Variants in PTPRN2 observed in about 807,000 individuals in gnomAD.
PTPRN2 encodes the protein protein tyrosine phosphatase receptor type N2.
A neutral mutation model predicts 118.8 loss-of-function variants in PTPRN2; 74 were observed. The observed-to-expected ratio is 0.62, with a 90% CI of 0.52 to 0.76. PTPRN2 has a LOEUF of 0.76. PTPRN2 is among the 30% of genes least tolerant of loss of function. The pLI is 0.00. For synonymous variants in PTPRN2, 641 were observed against 608.0 expected, an observed-to-expected ratio of 1.05 and a Z score of -0.80; for missense variants, 1,481 against 1,394.4, an observed-to-expected ratio of 1.06 and a Z score of -0.99.
chr7:158,382,047 T>C (rs764242030), intron 2 of PTPRN2, among the ~76,000 whole-genome samples: 8 of 152,114 alleles, frequency 5.3e-5, no homozygotes, highest in Non-Finnish European at 1.2e-4. Context: ...AGCCAAACCA[T>C]ATCACTAGCC....
intron 12 of PTPRN2, among the ~76,000 whole-genome samples, chr7:157,877,692 G>C (rs1795862739): frequency 6.6e-6 from 1 of 152,202 alleles, no homozygotes; most frequent in South Asian, 2.1e-4. Context: ...CCTAACAGTG[G>C]GCTGGGGAAC....
intron 11 of PTPRN2, among the ~76,000 whole-genome samples, chr7:158,020,472 C>T (rs1450329140): frequency 6.6e-6 from 1 of 152,056 alleles, no homozygotes; most frequent in African/African-American, 2.4e-5. Context: ...GAGGGAGGGG[C>T]GAGGGCACAG....
At chr7:157,657,186 C>T (rs1470797106) in intron 13 of PTPRN2, among the ~76,000 whole-genome samples, 2 of 140,888 alleles carry the variant, frequency 1.4e-5, no homozygotes, top group Non-Finnish European at 3.1e-5. Flanking sequence ...ACATATGCCA[C>T]ACACACACCA....
chr7:158,164,221 G>A (rs749030039), intron 6 of PTPRN2, among the ~76,000 whole-genome samples: 4 of 152,294 alleles, frequency 2.6e-5, no homozygotes, highest in South Asian at 2.1e-4. Context: ...GAACAGGAGC[G>A]CGCAGGAAGG....
At chr7:158,387,499 C>CCA (rs1811500939) in intron 2 of PTPRN2, among the ~76,000 whole-genome samples, 1 of 712 alleles carries the variant, frequency 1.4e-3, no homozygotes. Context: ...GGAGTGCGAT[C>CCA]GGGTTACGAT....
chr7:157,552,738 C>T (rs765039314), intron 21 of PTPRN2, among the ~76,000 whole-genome samples: 3 of 152,218 alleles, frequency 2.0e-5, no homozygotes, highest in Non-Finnish European at 2.9e-5. Flanking sequence ...TGCCGACAGA[C>T]GTCGAGTTGT....
chr7:158,502,732 T>A (rs1822458294), intron 1 of PTPRN2, among the ~76,000 whole-genome samples: 1 of 152,242 alleles, frequency 6.6e-6, no homozygotes, highest in African/African-American at 2.4e-5. Context: ...TCTTGTCAAA[T>A]TCACGCTGAG....
chr7:158,531,011 C>T (rs1057276000), intron 1 of PTPRN2, among the ~76,000 whole-genome samples: 18 of 152,066 alleles, frequency 1.2e-4, no homozygotes, highest in Non-Finnish European at 1.8e-4. Context: ...TGTATATGAG[C>T]ATGTGCATGG....
intron 2 of PTPRN2, among the ~76,000 whole-genome samples, chr7:158,334,718 G>GTCAT (rs1554466364): frequency 1.9e-4 from 1 of 5,148 alleles, no homozygotes; most frequent in African/African-American, 4.2e-4. Flanking sequence ...ACCTGCAGAC[G>GTCAT]TCACACCCAC....
chr7:158,527,853 A>G (rs889574119), intron 1 of PTPRN2, among the ~76,000 whole-genome samples: 1 of 152,196 alleles, frequency 6.6e-6, no homozygotes, highest in African/African-American at 2.4e-5. Flanking sequence ...CATCAGCACC[A>G]GCCACATCTC....
chr7:157,746,489 C>T (rs73516896), intron 12 of PTPRN2, among the ~76,000 whole-genome samples: 2,766 of 146,158 alleles, frequency 0.019, 68 homozygotes, highest in African/African-American at 0.067. Context: ...AAGGAGATCA[C>T]GGGACTCCCT....
At chr7:158,032,214 T>C (rs1205778857) in intron 11 of PTPRN2, among the ~76,000 whole-genome samples, 2 of 152,192 alleles carry the variant, frequency 1.3e-5, no homozygotes, top group African/African-American at 4.8e-5. Flanking sequence ...TCAGCAATTA[T>C]TGCTTCGCCG....
At chr7:158,166,884 A>AGTC (rs1489043730) in intron 6 of PTPRN2, 47 bp downstream of exon 6, 5 of 1,419,422 alleles carry the variant, frequency 3.5e-6, no homozygotes, top group Non-Finnish European at 4.6e-6. Flanking sequence ...GAGGGGCTGG[A>AGTC]CAGAGGACAG....
chr7:157,926,782 C>A (rs1310256488), intron 11 of PTPRN2, among the ~76,000 whole-genome samples: 1 of 152,196 alleles, frequency 6.6e-6, no homozygotes, highest in African/African-American at 2.4e-5. Context: ...GATCCTTCAC[C>A]CTGATCTTGC....
chr7:157,815,835 C>T (rs1806361982), intron 12 of PTPRN2, among the ~76,000 whole-genome samples: 1 of 152,246 alleles, frequency 6.6e-6, no homozygotes, highest in African/African-American at 2.4e-5. Flanking sequence ...GCAGTGCACA[C>T]TGTGCACACT....
At chr7:157,894,021 C>T (rs751982259) in intron 12 of PTPRN2, among the ~76,000 whole-genome samples, 17 of 152,096 alleles carry the variant, frequency 1.1e-4, no homozygotes, top group Non-Finnish European at 2.1e-4. Flanking sequence ...AATGGGAGCT[C>T]GTGATGGAAG....
At position 157,940,799 on chromosome 7, in the gene PTPRN2, ATGACACTGCAAATCTAATGCCCTCC is replaced by A. The variant is rs1800030491; in HGVS notation, c.1724-42087_1724-42063del. 2.0e-3 allele frequency among the ~76,000 whole-genome samples: 90 copies of A among 44,774 alleles called. 3 individuals carry two copies. The highest frequency in any genetic ancestry group is 3.8e-3 in the African/African-American group (24 of 6,254). 29.4% of individuals were successfully genotyped at this position (44,774 alleles called of 152,430 possible). The stretch of plus-strand genomic sequence containing the variant: ...CACTGCAAATCAAACACCCTCCCCC[ATGACACTGCAAATCTAATGCCCTCC>A]CCACAGTGACACTGCAAATCTAACA... On this transcript the variant is annotated intron_variant, in intron 11 of 22. Coordinates refer to ENST00000389418, the MANE Select transcript of PTPRN2 (RefSeq NM_002847.5).
chr7:158,508,465 G>C (rs1486705278), intron 1 of PTPRN2, among the ~76,000 whole-genome samples: 3 of 152,138 alleles, frequency 2.0e-5, no homozygotes, highest in Non-Finnish European at 4.4e-5. Context: ...GGGGAAGTCA[G>C]GGTCAGGACG....
chr7:157,673,545 C>T, intron 13 of PTPRN2, among the ~76,000 whole-genome samples: 1 of 112,726 alleles, frequency 8.9e-6, no homozygotes, highest in African/African-American at 3.7e-5. Context: ...AGAGGAGTAG[C>T]TAGCTGTCTG....
Sources: allele counts gnomAD v4.1 joint callset (sites outside exome capture counted in the v4.1 genomes callset), GRCh38; gene constraint gnomAD v4.1.1; transcripts MANE v1.5; gene names NCBI Gene and HGNC (gene_info 2026-07-23, HGNC 2026-07-21).